Variants in MCTP1 observed in about 807,000 individuals in gnomAD.
MCTP1 encodes multiple C2 and transmembrane domain-containing protein 1.
MCTP1 carries 69 observed loss-of-function variants against 120.6 expected under a neutral mutation model. The observed-to-expected ratio is 0.57, with a 90% CI of 0.47 to 0.70. MCTP1 has a LOEUF of 0.70. Ranked by LOEUF, MCTP1 falls within the 30% of genes least tolerant of loss-of-function variation. The pLI is 0.00. For missense variants in MCTP1, 1,203 were observed against 1,248.8 expected (o/e 0.96, Z 0.55); for synonymous variants, 529 against 493.1 (o/e 1.07, Z -0.96).
chr5:95,201,878 T>G (rs1582514387), intron 1 of MCTP1, among the ~76,000 whole-genome samples: 1 of 152,238 alleles, frequency 6.6e-6, no homozygotes, highest in Non-Finnish European at 1.5e-5. Flanking sequence ...TCTTCTTATT[T>G]ATTTTTCTTT....
intron 17 of MCTP1, among the ~76,000 whole-genome samples, chr5:94,833,488 T>C (rs1310682517): frequency 2.0e-5 from 3 of 152,210 alleles, no homozygotes. Flanking sequence ...ATTATTTGCA[T>C]AGTTTTAATG....
At chr5:95,104,093 T>C (rs1756930881) in intron 1 of MCTP1, among the ~76,000 whole-genome samples, 1 of 152,194 alleles carries the variant, frequency 6.6e-6, no homozygotes, top group Admixed American at 6.5e-5. Flanking sequence ...GTATCAATTA[T>C]GAAAGAAATA....
chr5:95,010,483 C>T (rs1052466658), intron 2 of MCTP1, among the ~76,000 whole-genome samples: 2 of 152,044 alleles, frequency 1.3e-5, no homozygotes, highest in African/African-American at 2.4e-5. Context: ...TCTATCTAAT[C>T]GAATGTTTAA....
At chr5:95,068,891 A>G (rs1751375447) in intron 1 of MCTP1, 2 of 968,800 alleles carry the variant, frequency 2.1e-6, no homozygotes, top group Non-Finnish European at 2.7e-6. Context: ...TTTAATATCA[A>G]TAGTAGTTTT....
At chr5:94,900,561 A>T (rs935458430) in intron 10 of MCTP1, among the ~76,000 whole-genome samples, 2 of 152,300 alleles carry the variant, frequency 1.3e-5, no homozygotes, top group Non-Finnish European at 2.9e-5. Flanking sequence ...TAATTCTTTC[A>T]TTAACTATTC....
At chr5:94,739,446 C>A (rs1765005767) in intron 19 of MCTP1, 1 of 151,978 alleles carries the variant, frequency 6.6e-6, no homozygotes, top group African/African-American at 2.4e-5. Context: ...TTAAATATAT[C>A]ATGGAATTAC....
intron 1 of MCTP1, among the ~76,000 whole-genome samples, chr5:95,044,018 T>C (rs1177097592): frequency 1.3e-5 from 2 of 152,172 alleles, no homozygotes; most frequent in African/African-American, 4.8e-5. Context: ...TAAAATTTAG[T>C]GTTCTCAAAA....
At chr5:95,260,491 G>C (rs541092419) in intron 1 of MCTP1, among the ~76,000 whole-genome samples, 2 of 152,030 alleles carry the variant, frequency 1.3e-5, no homozygotes, top group African/African-American at 2.4e-5. Flanking sequence ...ACCTCTCCTC[G>C]TCTGTGCATG....
chr5:94,978,206 G>A (rs1355111337), intron 2 of MCTP1, among the ~76,000 whole-genome samples: 1 of 152,060 alleles, frequency 6.6e-6, no homozygotes, highest in Admixed American at 6.6e-5. Context: ...ATCAACACGT[G>A]TTGGTGAGGA....
intron 19 of MCTP1, among the ~76,000 whole-genome samples, chr5:94,715,374 A>C (rs1027572531): frequency 3.3e-5 from 5 of 150,540 alleles, no homozygotes; most frequent in South Asian, 2.1e-4. Flanking sequence ...AAAAAAAAAA[A>C]AAAAAAAAAA....
intron 1 of MCTP1, among the ~76,000 whole-genome samples, chr5:95,103,224 C>A (rs1404610902): frequency 6.6e-6 from 1 of 151,890 alleles, no homozygotes. Context: ...AATCAGAAAT[C>A]AATGAACATC....
At chr5:94,828,474 G>A (rs1163591053) in intron 17 of MCTP1, among the ~76,000 whole-genome samples, 1 of 152,228 alleles carries the variant, frequency 6.6e-6, no homozygotes, top group African/African-American at 2.4e-5. Context: ...GGCAGAGCTT[G>A]AGCGCATTGC....
chr5:95,218,963 T>A (rs1753349753), intron 1 of MCTP1, among the ~76,000 whole-genome samples: 1 of 152,246 alleles, frequency 6.6e-6, no homozygotes, highest in Admixed American at 6.5e-5. Flanking sequence ...ATTTCATCAC[T>A]GACCAGAATG....
chr5:95,243,525 A>C (rs1477521424), intron 1 of MCTP1, among the ~76,000 whole-genome samples: 1 of 152,240 alleles, frequency 6.6e-6, no homozygotes, highest in Non-Finnish European at 1.5e-5. Context: ...AAAGGGTCTA[A>C]TATGTCATTA....
intron 18 of MCTP1, among the ~76,000 whole-genome samples, chr5:94,794,456 A>G (rs1265269235): frequency 6.6e-6 from 1 of 152,238 alleles, no homozygotes; most frequent in Non-Finnish European, 1.5e-5. Context: ...CCTTACAGGA[A>G]GGAATTTGGA....
At chr5:95,199,817 C>T (rs1015460451) in intron 1 of MCTP1, among the ~76,000 whole-genome samples, 2 of 151,808 alleles carry the variant, frequency 1.3e-5, no homozygotes, top group Non-Finnish European at 2.9e-5. Flanking sequence ...TGAGATGGTG[C>T]CACTGCACTC....
chr5:95,211,007 C>T (rs1285583186), intron 1 of MCTP1, among the ~76,000 whole-genome samples: 2 of 152,036 alleles, frequency 1.3e-5, no homozygotes, highest in African/African-American at 4.8e-5. Flanking sequence ...TTGGCCCCCA[C>T]TCTCTTCTGG....
intron 1 of MCTP1, among the ~76,000 whole-genome samples, chr5:95,080,239 T>C (rs1582198086): frequency 6.6e-6 from 1 of 152,318 alleles, no homozygotes; most frequent in Middle Eastern, 3.4e-3. Context: ...ACATTTGTGC[T>C]GTGGCAATGG....
intron 6 of MCTP1, among the ~76,000 whole-genome samples, chr5:94,925,633 T>C (rs1448051662): frequency 6.6e-6 from 1 of 152,070 alleles, no homozygotes; most frequent in Non-Finnish European, 1.5e-5. Flanking sequence ...ATGGTCTCAA[T>C]CTCCTGACCT....
Sources: gnomAD v4.1 joint callset for allele counts (sites outside exome capture counted in the v4.1 genomes callset) on GRCh38, gnomAD v4.1.1 for gene constraint, MANE v1.5 for transcripts, NCBI Gene and HGNC (gene_info 2026-07-23, HGNC 2026-07-21) for gene names.